Variants in CDH12 observed in about 807,000 individuals in gnomAD.
CDH12 encodes the protein cadherin 12.
CDH12 carries 41 observed loss-of-function variants against 74.1 expected under a neutral mutation model. That is an observed-to-expected ratio of 0.55 (90% CI 0.43 to 0.72). The LOEUF is 0.72. CDH12 is among the 30% of genes least tolerant of loss of function. CDH12 has a pLI of 0.00. For synonymous variants in CDH12, 399 were observed against 355.0 expected (o/e 1.12, Z -1.39); for missense variants, 945 against 977.2 (o/e 0.97, Z 0.44).
At chr5:21,821,969 A>C (rs1354045298) in intron 8 of CDH12, among the ~76,000 whole-genome samples, 1 of 151,976 alleles carries the variant, frequency 6.6e-6, no homozygotes, top group African/African-American at 2.4e-5. Context: ...AAACAACACG[A>C]AAAGGAAATA....
chr5:22,462,363 T>C (rs796633765), intron 2 of CDH12, among the ~76,000 whole-genome samples: 6 of 152,228 alleles, frequency 3.9e-5, no homozygotes, highest in African/African-American at 1.4e-4. Context: ...GCCTGTGAAA[T>C]GCTGGGATAT....
intron 1 of CDH12, among the ~76,000 whole-genome samples, chr5:22,534,300 G>A (rs756028181): frequency 1.3e-5 from 2 of 151,836 alleles, no homozygotes; most frequent in African/African-American, 2.4e-5. Context: ...TGCACCAATC[G>A]CCGGAGCAGT....
At chr5:22,535,628 CTAA>C (rs1203460607) in intron 1 of CDH12, among the ~76,000 whole-genome samples, 1 of 152,138 alleles carries the variant, frequency 6.6e-6, no homozygotes, top group Non-Finnish European at 1.5e-5. Flanking sequence ...TTCTATTATG[CTAA>C]TGTGAAATCA....
intron 1 of CDH12, among the ~76,000 whole-genome samples, chr5:22,521,707 T>C (rs1321449806): frequency 6.6e-6 from 1 of 152,192 alleles, no homozygotes; most frequent in Non-Finnish European, 1.5e-5. Flanking sequence ...TGGTCTCTGT[T>C]GCAACTCTTG....
chr5:21,781,675 G>C (rs1483102086), intron 11 of CDH12, among the ~76,000 whole-genome samples: 3 of 150,900 alleles, frequency 2.0e-5, no homozygotes, highest in Non-Finnish European at 4.4e-5. Context: ...GGTGAGCCGA[G>C]ATTGCACCAC....
chr5:22,559,366 T>G (rs573411790), intron 1 of CDH12, among the ~76,000 whole-genome samples: 61 of 152,074 alleles, frequency 4.0e-4, no homozygotes, highest in Non-Finnish European at 6.5e-4. Flanking sequence ...GCGAAAAAAT[T>G]TTTAAAGTTA....
chr5:22,529,733 A>G (rs1237648532), intron 1 of CDH12, among the ~76,000 whole-genome samples: 1 of 152,188 alleles, frequency 6.6e-6, no homozygotes, highest in Non-Finnish European at 1.5e-5. Context: ...TCCTCTTTAG[A>G]CTGGGGCAAG....
intron 5 of CDH12, among the ~76,000 whole-genome samples, chr5:22,033,447 C>T (rs563186902): frequency 5.9e-5 from 9 of 152,164 alleles, no homozygotes; most frequent in Middle Eastern, 3.4e-3. Context: ...TTATTCATAC[C>T]GGAAAGGACA....
intron 6 of CDH12, among the ~76,000 whole-genome samples, chr5:21,930,712 T>C (rs1442145884): frequency 6.6e-6 from 1 of 152,216 alleles, no homozygotes; most frequent in Non-Finnish European, 1.5e-5. Context: ...ATCTGTAGAA[T>C]AAGAATGTAG....
intron 1 of CDH12, among the ~76,000 whole-genome samples, chr5:22,628,183 T>C (rs1738397109): frequency 6.6e-6 from 1 of 152,022 alleles, no homozygotes; most frequent in African/African-American, 2.4e-5. Context: ...ACAGACATTA[T>C]TAGATCAACC....
chr5:22,362,571 C>T (rs1740857565), intron 3 of CDH12, among the ~76,000 whole-genome samples: 1 of 152,054 alleles, frequency 6.6e-6, no homozygotes, highest in Non-Finnish European at 1.5e-5. Flanking sequence ...CCCAGCCATC[C>T]CATTACTGAG....
chr5:22,823,985 T>C (rs1297242294), intron 1 of CDH12, among the ~76,000 whole-genome samples: 2 of 152,000 alleles, frequency 1.3e-5, no homozygotes, highest in South Asian at 2.1e-4. Flanking sequence ...GTGACATAAA[T>C]CTCAATCAAA....
chr5:21,828,036 C>T (rs969904864), intron 8 of CDH12, among the ~76,000 whole-genome samples: 1 of 151,778 alleles, frequency 6.6e-6, no homozygotes, highest in African/African-American at 2.4e-5. Context: ...AATAACTTTA[C>T]AAAAATATGC....
intron 3 of CDH12, among the ~76,000 whole-genome samples, chr5:22,334,958 C>T (rs757568093): frequency 6.6e-6 from 1 of 151,944 alleles, no homozygotes; most frequent in African/African-American, 2.4e-5. Flanking sequence ...TGAGTAATAC[C>T]CCATAACACA....
chr5:22,167,083 A>G (rs1163512842), intron 4 of CDH12, among the ~76,000 whole-genome samples: 1 of 152,216 alleles, frequency 6.6e-6, no homozygotes, highest in African/African-American at 2.4e-5. Flanking sequence ...CATAATTTGC[A>G]GTAATATACC....
intron 3 of CDH12, among the ~76,000 whole-genome samples, chr5:22,295,427 C>T (rs1328392923): frequency 2.0e-5 from 3 of 152,158 alleles, no homozygotes; most frequent in Non-Finnish European, 2.9e-5. Flanking sequence ...ATCTAAATTG[C>T]TATAACATTT....
At chr5:22,264,226 T>C (rs1398935080) in intron 3 of CDH12, among the ~76,000 whole-genome samples, 2 of 152,028 alleles carry the variant, frequency 1.3e-5, no homozygotes, top group Non-Finnish European at 2.9e-5. Flanking sequence ...AATACAACTA[T>C]TAATCTGTAT....
chr5:21,919,677 C>G (rs1046440715), intron 6 of CDH12, among the ~76,000 whole-genome samples: 1 of 152,034 alleles, frequency 6.6e-6, no homozygotes, highest in Non-Finnish European at 1.5e-5. Flanking sequence ...CCCGGAGAAA[C>G]GGACTGATAA....
chr5:22,070,289 T>G (rs1741857615), intron 5 of CDH12, among the ~76,000 whole-genome samples: 2 of 152,144 alleles, frequency 1.3e-5, no homozygotes, highest in Admixed American at 6.6e-5. Flanking sequence ...AGTTATATTC[T>G]GCTAGAAGTA....
Sources: gnomAD v4.1 joint callset for allele counts (sites outside exome capture counted in the v4.1 genomes callset) on GRCh38, gnomAD v4.1.1 for gene constraint, MANE v1.5 for transcripts, NCBI Gene and HGNC (gene_info 2026-07-23, HGNC 2026-07-21) for gene names.